The following MPDZ variants were observed in gnomAD, a reference collection of about 807,000 sequenced individuals.
The protein encoded by MPDZ is multiple PDZ domain protein.
Under a neutral mutation model 239.1 loss-of-function variants are expected in MPDZ, and 234 were observed. That is an observed-to-expected ratio of 0.98 (90% confidence interval 0.88 to 1.09). MPDZ has a LOEUF of 1.09. Among genes scored for constraint, MPDZ ranks in the 50% least tolerant of loss-of-function variants. MPDZ has a pLI of 0.00. For synonymous variants in MPDZ, 1,048 were observed against 881.3 expected (o/e 1.19, Z -3.35); for missense variants, 3,175 against 2,510.0 (o/e 1.26, Z -5.66).
Position 13,139,058 on chromosome 9 carries a change from G to A in MPDZ, c.4004-905C>T, listed in dbSNP as rs76997479. On this transcript the variant is annotated intron_variant, in intron 28 of 46. Transcript: ENST00000319217. ...TAGCAATATGCTCTAGTGTCACTGA[G>A]AACAGACTGCGAAAACTACAAACTT... Among the ~76,000 whole-genome samples, 1,086 of 152,274 alleles carry A rather than the reference G, an allele frequency of 7.1e-3. 13 individuals are homozygous for A. Among genetic ancestry groups the A allele is most frequent in the African/African-American group, 0.025 (1,040 of 41,552 alleles).
chr9:13,187,368 T>A (rs184952530), intron 17 of MPDZ, among the ~76,000 whole-genome samples: 2 of 152,228 alleles, frequency 1.3e-5, no homozygotes, highest in Middle Eastern at 3.4e-3. Context: ...AAAGGTATAT[T>A]GAGTCATGTT....
chr9:13,147,460 CT>C, intron 26 of MPDZ, 87 bp downstream of exon 26: 1 of 942,726 alleles, frequency 1.1e-6, no homozygotes. Context: ...ACTATCTTTA[CT>C]CATACAGACA....
chr9:13,230,681 A>C (rs1426825637), intron 3 of MPDZ, among the ~76,000 whole-genome samples: 1 of 152,186 alleles, frequency 6.6e-6, no homozygotes, highest in Non-Finnish European at 1.5e-5. Flanking sequence ...TGGTGATAAA[A>C]TAGATCTGAT....
At chr9:13,186,713 G>A (rs1954157993) in intron 17 of MPDZ, among the ~76,000 whole-genome samples, 1 of 151,128 alleles carries the variant, frequency 6.6e-6, no homozygotes, top group African/African-American at 2.4e-5. Flanking sequence ...TAATCTTCCG[G>A]TTATTTTTAT....
chr9:13,171,238 A>C (rs948317510), intron 21 of MPDZ, among the ~76,000 whole-genome samples: 1 of 152,200 alleles, frequency 6.6e-6, no homozygotes, highest in Non-Finnish European at 1.5e-5. Context: ...CAAAACTCAT[A>C]AAATATGTTT....
chr9:13,157,608 GCTATGAGGGTA>G (rs988118983), intron 24 of MPDZ, among the ~76,000 whole-genome samples: 2 of 151,892 alleles, frequency 1.3e-5, no homozygotes, highest in Admixed American at 6.6e-5. Flanking sequence ...TGGTAACAAG[GCTATGAGGGTA>G]CTTTTACACA....
chr9:13,138,153 T>C lies in MPDZ; in HGVS notation c.4004A>G (p.Lys1335Arg). The C allele has an allele frequency of 6.4e-7, 1 of 1,571,210 alleles. No individual in the cohort carries two copies. The highest frequency in any genetic ancestry group is 8.6e-7 in the Non-Finnish European group (1 of 1,158,944). ...GGTTCCATAACGCTCTCTGATATTTTCTACATACAACAACAACAACAAATA... is the reference window on the plus strand; with the variant it reads ...GGTTCCATAACGCTCTCTGATATTTCCTACATACAACAACAACAACAAATA... ...DKEDEFGYSW[K>R]NIRERYGTLT... Residue 1335 changes from lysine (K) to arginine (R), a missense_variant and splice_region_variant, in exon 29 of 47, where the codon AAA (lysine) becomes AGA (arginine). Transcript: ENST00000319217.
At chr9:13,151,701 T>C (rs1269378977) in intron 24 of MPDZ, among the ~76,000 whole-genome samples, 1 of 152,046 alleles carries the variant, frequency 6.6e-6, no homozygotes, top group Non-Finnish European at 1.5e-5. Context: ...ATGAAAAAAG[T>C]TCTGTAGCTA....
chr9:13,125,415 G>A (rs373573260), intron 34 of MPDZ, 25 bp from the exon 35 acceptor site: 359 of 1,598,024 alleles, frequency 2.2e-4, no homozygotes, highest in Non-Finnish European at 2.7e-4. Flanking sequence ...GTGTGGAAGA[G>A]AAACAAAATT....
chr9:13,109,929 C>T (rs139205360), intron 45 of MPDZ, 23 bp downstream of exon 45: 2 of 1,565,568 alleles, frequency 1.3e-6, no homozygotes, highest in East Asian at 4.5e-5. Context: ...AAATGATACA[C>T]TAATCATCAT....
At chr9:13,222,521 G>A in intron 5 of MPDZ, 75 bp from the exon 6 acceptor site, 1 of 1,161,608 alleles carries the variant, frequency 8.6e-7, no homozygotes, top group African/African-American at 1.5e-5. Flanking sequence ...TGGCATGTAT[G>A]TTCAAGTCAT....
rs962370376 is a variant in MPDZ, at chr9:13,237,583, GA to G, written c.183+10051del. 6.2e-3 allele frequency among the ~76,000 whole-genome samples: 900 copies of G among 144,148 alleles called. 5 individuals are homozygous for G. Among genetic ancestry groups the G allele is most frequent in the African/African-American group, 0.018 (721 of 39,410 alleles). 94.6% of individuals were successfully genotyped at this position (144,148 alleles called of 152,430 possible). A position where few individuals can be genotyped will look rare whatever the true frequency, so the allele number is the denominator to read the frequency against. ...TAGCTACTTTTTTTGTATCGTATTTGAAAAAAAAAAATTACTGAAAATCAAA... is the reference window on the plus strand; with the variant it reads ...TAGCTACTTTTTTTGTATCGTATTTGAAAAAAAAAATTACTGAAAATCAAA... On this transcript the variant is annotated intron_variant, in intron 3 of 46. Coordinates refer to ENST00000319217, the MANE Select transcript of MPDZ (RefSeq NM_001378778.1).
chr9:13,147,534 T>C lies in MPDZ; in HGVS notation c.3741+14A>G. The C allele has an allele frequency of 1.9e-6, 3 of 1,596,932 alleles. No individual in the cohort carries two copies. The highest frequency in any genetic ancestry group is 2.6e-6 in the Non-Finnish European group (3 of 1,165,114). ...TGTTTGGATATGCCTACCTTGCCCTTTGTGTTCGCTTACCCTTGGTCTGTT... is the reference window on the plus strand; with the variant it reads ...TGTTTGGATATGCCTACCTTGCCCTCTGTGTTCGCTTACCCTTGGTCTGTT... On this transcript the variant is annotated intron_variant, in intron 26 of 46. Coordinates refer to ENST00000319217, the MANE Select transcript of MPDZ (RefSeq NM_001378778.1).
intron 28 of MPDZ, among the ~76,000 whole-genome samples, chr9:13,139,324 T>C (rs1332608472): frequency 3.3e-5 from 5 of 152,220 alleles, no homozygotes; most frequent in Non-Finnish European, 7.3e-5. Context: ...GGCTAAATTT[T>C]AAATATTTTC....
At chr9:13,127,949 C>A (rs1253332180) in intron 32 of MPDZ, among the ~76,000 whole-genome samples, 5 of 152,202 alleles carry the variant, frequency 3.3e-5, no homozygotes, top group African/African-American at 1.2e-4. Flanking sequence ...ATACTTGTCA[C>A]ATAACAGTCA....
intron 19 of MPDZ, among the ~76,000 whole-genome samples, chr9:13,176,713 A>G (rs1424844070): frequency 2.0e-5 from 3 of 152,134 alleles, no homozygotes; most frequent in Non-Finnish European, 2.9e-5. Flanking sequence ...TGTTCTATTT[A>G]CAAATAAAAT....
rs1380612601 is a variant in MPDZ at position 13,192,311 on chromosome 9, C to A, written c.1804-16G>T. 1 of 1,580,328 alleles carries A rather than the reference C, an allele frequency of 6.3e-7. No homozygotes were observed. Among genetic ancestry groups the A allele is most frequent in the Non-Finnish European group, 8.6e-7 (1 of 1,160,882 alleles). ...TGCCATTTACCTGTGAAAAAAGATA[C>A]ATTGTCCAACAAACAACACTTCATA... On this transcript the variant is annotated splice_polypyrimidine_tract_variant and intron_variant, in intron 14 of 46. Transcript: ENST00000319217.
At chr9:13,250,764 G>A (rs1325310383) in intron 1 of MPDZ, among the ~76,000 whole-genome samples, 1 of 152,038 alleles carries the variant, frequency 6.6e-6, no homozygotes, top group Admixed American at 6.5e-5. Flanking sequence ...ATCATAAAAA[G>A]TAGAAAATGT....
At chr9:13,155,996 T>A (rs954492971) in intron 24 of MPDZ, among the ~76,000 whole-genome samples, 1 of 152,160 alleles carries the variant, frequency 6.6e-6, no homozygotes, top group Non-Finnish European at 1.5e-5. Flanking sequence ...AATTTTCCAG[T>A]CCAGAAGTTA....
Sources: allele counts gnomAD v4.1 joint callset (sites outside exome capture counted in the v4.1 genomes callset), GRCh38; gene constraint gnomAD v4.1.1; transcripts MANE v1.5; gene names NCBI Gene and HGNC (gene_info 2026-07-23, HGNC 2026-07-21).